C2orf49: variants seen among roughly 807,000 people sequenced by gnomAD.
The protein encoded by C2orf49 is tRNA-splicing ligase complex subunit ASW.
In C2orf49, 11 loss-of-function variants were observed where a neutral mutation model predicts 20.6. That is an observed-to-expected ratio of 0.53 (90% CI 0.34 to 0.88). The LOEUF is 0.88. Ranked by LOEUF, C2orf49 falls within the 40% of genes least tolerant of loss-of-function variation. The pLI is 0.02. For missense variants in C2orf49, 289 were observed against 274.2 expected, an observed-to-expected ratio of 1.05 and a Z score of -0.38; for synonymous variants, 134 against 108.5, an observed-to-expected ratio of 1.24 and a Z score of -1.46.
downstream of C2orf49, among the ~76,000 whole-genome samples, chr2:105,349,658 A>G (rs1020168826): frequency 3.3e-5 from 5 of 152,242 alleles, no homozygotes; most frequent in African/African-American, 1.2e-4. Flanking sequence ...TTTCATAGAG[A>G]AAACAGACAG....
downstream of C2orf49, among the ~76,000 whole-genome samples, chr2:105,351,873 CT>C (rs1679944329): frequency 6.6e-6 from 1 of 152,190 alleles, no homozygotes; most frequent in Non-Finnish European, 1.5e-5. Flanking sequence ...ATATTAACCC[CT>C]ATAGGTGTAC....
chr2:105,365,051 G>A, the C2orf49 span, among the ~76,000 whole-genome samples: 1 of 152,184 alleles, frequency 6.6e-6, no homozygotes, highest in African/African-American at 2.4e-5. Flanking sequence ...TGCAACATGT[G>A]TCCTCAGTCC....
chr2:105,343,208 A>G lies in C2orf49; in HGVS notation c.627A>G (p.Glu209=), dbSNP rs1679720610. Residue 209 remains glutamate (E), a synonymous_variant, in exon 3 of 4, where the codon GAA becomes GAG. Transcript: ENST00000258457. ...AGTTAAAGAGAGCTGCTCCTAAAGA[A>G]GAGGCAGAGGCCATGGTAAGTATGG... ...PVKLKRAAPK[E]EAEAMNNLKP... 6.3e-7 allele frequency: 1 copy of G among 1,593,810 alleles called. No individual in the cohort carries two copies. The highest frequency in any genetic ancestry group is 1.4e-5 in the African/African-American group (1 of 73,826).
At chr2:105,373,389 T>C in the C2orf49 span, 1 of 679,818 alleles carries the variant, frequency 1.5e-6, no homozygotes, top group South Asian at 1.7e-5. Flanking sequence ...TGATAGAACC[T>C]GTATGTCCCT....
chr2:105,361,182 A>C, the C2orf49 span: 1 of 1,216,252 alleles, frequency 8.2e-7, no homozygotes, highest in Admixed American at 2.1e-5. Flanking sequence ...AGAAAGTCTC[A>C]ATGTGGCTGG....
chr2:105,364,933 C>A, the C2orf49 span, among the ~76,000 whole-genome samples: 1 of 152,146 alleles, frequency 6.6e-6, no homozygotes, highest in Non-Finnish European at 1.5e-5. Context: ...AATCATGAAG[C>A]ATCTTAGTAT....
intron 1 of C2orf49, among the ~76,000 whole-genome samples, chr2:105,339,152 AGACT>A (rs1454684967): frequency 1.3e-5 from 2 of 152,276 alleles, no homozygotes; most frequent in Non-Finnish European, 2.9e-5. Flanking sequence ...AATATAAGAC[AGACT>A]GAGACCTTCA....
the C2orf49 span, among the ~76,000 whole-genome samples, chr2:105,363,811 C>G: frequency 6.6e-6 from 1 of 152,304 alleles, no homozygotes; most frequent in East Asian, 1.9e-4. Context: ...GGATTCAATA[C>G]AGCATCAAGG....
At chr2:105,373,483 G>A in the C2orf49 span, 112 of 1,522,662 alleles carry the variant, frequency 7.4e-5, no homozygotes, top group Non-Finnish European at 9.6e-5. Flanking sequence ...AAGTCAATGT[G>A]AACAGGGGGT....
the C2orf49 span, among the ~76,000 whole-genome samples, chr2:105,368,918 G>T: frequency 6.6e-6 from 1 of 152,218 alleles, no homozygotes; most frequent in South Asian, 2.1e-4. Context: ...ACTGCTGCCT[G>T]CTTTTCAAAT....
intron 2 of C2orf49, among the ~76,000 whole-genome samples, chr2:105,341,777 G>T (rs1573243086): frequency 6.6e-6 from 1 of 152,232 alleles, no homozygotes; most frequent in South Asian, 2.1e-4. Context: ...GACTGACGTT[G>T]CTGTGCTGGT....
intron 1 of C2orf49, 117 bp downstream of exon 1, chr2:105,337,803 A>C: frequency 1.1e-6 from 1 of 875,082 alleles, no homozygotes. Context: ...GGTTTGTGTC[A>C]CTCTCCACCC....
intron 3 of C2orf49, among the ~76,000 whole-genome samples, chr2:105,344,454 T>G (rs114403666): frequency 0.065 from 9,829 of 151,840 alleles, 371 homozygotes; most frequent in Non-Finnish European, 0.079. Context: ...TATATATATA[T>G]ATAGAGAGAG....
the C2orf49 span, chr2:105,373,428 G>A: frequency 2.6e-5 from 23 of 882,538 alleles, no homozygotes; most frequent in Middle Eastern, 1.2e-3. Flanking sequence ...ATACTCCTCT[G>A]CAGTTCAAGG....
the C2orf49 span, among the ~76,000 whole-genome samples, chr2:105,361,778 G>A: frequency 0.14 from 21,054 of 152,240 alleles, 1,815 homozygotes; most frequent in South Asian, 0.24. Context: ...GGTGCCTCAC[G>A]TTGCCTGGTG....
chr2:105,351,903 A>G (rs1679944770), downstream of C2orf49, among the ~76,000 whole-genome samples: 1 of 152,222 alleles, frequency 6.6e-6, no homozygotes, highest in Non-Finnish European at 1.5e-5. Context: ...AGATATTTCT[A>G]TATGTAACCA....
chr2:105,348,958 G>T lies in C2orf49; in HGVS notation c.*3587G>T, dbSNP rs954009275. The T allele has an allele frequency of 3.9e-5, 6 of 152,140 alleles. No homozygotes were observed. 9.4% of individuals were successfully genotyped at this position (152,140 alleles called of 1,614,324 possible). ...CCTTCTTTGAATGAGAGGGTGGCTG[G>T]AGTGGTCTGGTGCTGGGATATCACG... is the stretch of plus-strand genomic sequence containing the variant. On this transcript the variant is annotated 3_prime_UTR_variant, in exon 4 of 4. Coordinates refer to ENST00000258457, the MANE Select transcript of C2orf49 (RefSeq NM_024093.3).
chr2:105,366,518 C>T, the C2orf49 span, among the ~76,000 whole-genome samples: 1 of 152,148 alleles, frequency 6.6e-6, no homozygotes, highest in Non-Finnish European at 1.5e-5. Context: ...CAGGCTGATG[C>T]AAATCCTAAC....
chr2:105,343,671 T>C (rs1400530911), intron 3 of C2orf49, among the ~76,000 whole-genome samples: 2 of 152,200 alleles, frequency 1.3e-5, no homozygotes, highest in Non-Finnish European at 2.9e-5. Flanking sequence ...CACCAGAATC[T>C]TTTTAAGATT....
Sources: allele counts gnomAD v4.1 joint callset (sites outside exome capture counted in the v4.1 genomes callset), GRCh38; gene constraint gnomAD v4.1.1; transcripts MANE v1.5; gene names NCBI Gene and HGNC (gene_info 2026-07-23, HGNC 2026-07-21).